CRYBG3: variants seen among roughly 807,000 people sequenced by gnomAD.
CRYBG3 encodes the protein very large A-kinase anchor protein.
CRYBG3 carries 127 observed loss-of-function variants against 244.2 expected under a neutral mutation model. That is an observed-to-expected ratio of 0.52 (90% CI 0.45 to 0.60). CRYBG3 has a LOEUF of 0.60. Ranked by LOEUF, CRYBG3 falls within the 20% of genes least tolerant of loss-of-function variation. CRYBG3 has a pLI of 0.00. For missense variants in CRYBG3, 3,325 were observed against 3,442.5 expected (o/e 0.97, Z 0.85); for synonymous variants, 1,132 against 1,195.8 (o/e 0.95, Z 1.10).
chr3:97,931,658 C>T (rs1184006377), intron 17 of CRYBG3, among the ~76,000 whole-genome samples: 1 of 152,010 alleles, frequency 6.6e-6, no homozygotes, highest in African/African-American at 2.4e-5. Context: ...GCATGCTTTC[C>T]TCCTGATTTC....
chr3:97,854,089 C>G (rs1201681664), intron 2 of CRYBG3, among the ~76,000 whole-genome samples: 2 of 152,062 alleles, frequency 1.3e-5, no homozygotes, highest in African/African-American at 2.4e-5. Flanking sequence ...GCTGTCCTTT[C>G]CCCCACTTTA....
At chr3:97,893,867 T>A (rs2039609523) in intron 11 of CRYBG3, among the ~76,000 whole-genome samples, 3 of 152,206 alleles carry the variant, frequency 2.0e-5, no homozygotes, top group Admixed American at 1.3e-4. Flanking sequence ...CAAGGGCCTA[T>A]ATTTAGAGAA....
At position 97,912,343 on chromosome 3, in the gene CRYBG3, A is replaced by G. The variant is rs575278598; in HGVS notation, c.8114+67A>G. 2.1e-5 allele frequency: 17 copies of G among 798,516 alleles called. No homozygotes were observed. The Admixed American group carries it at 3.4e-4, about 16-fold the overall frequency. The allele number at this position is 798,516 out of a possible 1,614,324, so 49.5% of individuals were successfully genotyped here. The stretch of plus-strand genomic sequence containing the variant: ...CTAATACTTTTAAATTTACAGAGAT[A>G]TATTTTTTGCATGCACAGTGAATCC... On this transcript the variant is annotated intron_variant, in intron 16 of 21. Coordinates refer to ENST00000389622, the MANE Select transcript of CRYBG3 (RefSeq NM_153605.4).
chr3:97,880,292 C>T (rs993387253), intron 6 of CRYBG3, among the ~76,000 whole-genome samples, 192 bp downstream of exon 6: 5 of 152,020 alleles, frequency 3.3e-5, no homozygotes, highest in Non-Finnish European at 7.4e-5. Context: ...GCATAAAATA[C>T]AATCTGTTTT....
chr3:97,830,437 A>T (rs2038639644), intron 1 of CRYBG3, among the ~76,000 whole-genome samples: 1 of 151,934 alleles, frequency 6.6e-6, no homozygotes, highest in Non-Finnish European at 1.5e-5. Flanking sequence ...CCTATGTAAG[A>T]CCACCTATTT....
rs1313820267 is a variant in CRYBG3, at chr3:97,936,883, T to C, written c.8480T>C (p.Ile2827Thr). The C allele has an allele frequency of 1.9e-6, 3 of 1,612,940 alleles. No homozygotes were observed. The highest frequency in any genetic ancestry group is 1.1e-5 in the South Asian group (1 of 91,016). ...ACAGCATTCAGCAGATGGAAAACAATTGGTTCCCTCCGTCCTATGAAGCAG... is the reference window on the plus strand; with the variant it reads ...ACAGCATTCAGCAGATGGAAAACAACTGGTTCCCTCCGTCCTATGAAGCAG... ...NWTAFSRWKT[I>T]GSLRPMKQPA... Residue 2827 changes from isoleucine to threonine, a missense_variant, in exon 19 of 22, where the codon ATT becomes ACT. Ile to Thr is a moderately conservative substitution (Grantham distance 89). Around this residue, in one of 4 missense-constraint regions of CRYBG3, gnomAD observed 714 missense variants for 803.6 expected, o/e 0.89. Coordinates refer to ENST00000389622, the MANE Select transcript of CRYBG3 (RefSeq NM_153605.4).
intron 1 of CRYBG3, among the ~76,000 whole-genome samples, chr3:97,838,431 T>G (rs762220096): frequency 3.3e-5 from 5 of 152,100 alleles, no homozygotes; most frequent in Non-Finnish European, 7.4e-5. Flanking sequence ...GCCACCTGCA[T>G]TAGAACAATC....
intron 15 of CRYBG3, among the ~76,000 whole-genome samples, chr3:97,910,102 C>T (rs1043996568): frequency 3.0e-4 from 46 of 151,782 alleles, no homozygotes; most frequent in African/African-American, 9.0e-4. Context: ...GCAGTCTGCC[C>T]GTTCTCAGAT....
intron 15 of CRYBG3, among the ~76,000 whole-genome samples, chr3:97,905,704 C>T (rs1291552832): frequency 7.2e-6 from 1 of 138,384 alleles, no homozygotes; most frequent in East Asian, 2.2e-4. Context: ...TGCCTGTTCA[C>T]TCTGATGGTA....
intron 17 of CRYBG3, among the ~76,000 whole-genome samples, chr3:97,916,175 GTTATTC>G (rs1212757302): frequency 1.3e-5 from 2 of 152,142 alleles, no homozygotes; most frequent in Non-Finnish European, 2.9e-5. Context: ...TACCATGGTT[GTTATTC>G]TTATAGCTGC....
intron 7 of CRYBG3, among the ~76,000 whole-genome samples, chr3:97,884,373 A>G (rs1296648584): frequency 2.0e-5 from 3 of 152,112 alleles, no homozygotes; most frequent in Non-Finnish European, 4.4e-5. Context: ...AAAAGATATG[A>G]CATCTTTCTT....
chr3:97,920,651 T>C (rs985178936), intron 17 of CRYBG3, among the ~76,000 whole-genome samples: 7 of 152,094 alleles, frequency 4.6e-5, no homozygotes, highest in African/African-American at 1.7e-4. Flanking sequence ...TGCCTCAGCC[T>C]CCCAAGTAGC....
chr3:97,927,325 C>A (rs2040050977), intron 17 of CRYBG3, among the ~76,000 whole-genome samples: 1 of 151,880 alleles, frequency 6.6e-6, no homozygotes, highest in Non-Finnish European at 1.5e-5. Context: ...GGAAAGGACT[C>A]CCTATTCAGT....
At chr3:97,861,953 A>C (rs2039156015) in intron 2 of CRYBG3, among the ~76,000 whole-genome samples, 1 of 152,164 alleles carries the variant, frequency 6.6e-6, no homozygotes, top group African/African-American at 2.4e-5. Context: ...TTAATTACGA[A>C]TACGCATTTC....
rs200261394 is a variant in CRYBG3 at position 97,937,526 on chromosome 3, CT to C, written c.8505+619del. Among the ~76,000 whole-genome samples, 979 of 152,164 alleles carry C rather than the reference CT, an allele frequency of 6.4e-3. 8 individuals are homozygous for C. The highest frequency in any genetic ancestry group is 0.017 in the Middle Eastern group (5 of 294). Reference sequence around the variant, plus strand: ...ATTTGACTAGTCATCCCTGTAAATTCTACTTAAGTGTCAGGTCCTCAAGAAT... The same window carrying C: ...ATTTGACTAGTCATCCCTGTAAATTCACTTAAGTGTCAGGTCCTCAAGAAT... On this transcript the variant is annotated intron_variant, in intron 19 of 21. Coordinates refer to ENST00000389622, the MANE Select transcript of CRYBG3 (RefSeq NM_153605.4).
At chr3:97,822,683 ACT>A (rs979027938) in intron 1 of CRYBG3, among the ~76,000 whole-genome samples, 27 of 151,878 alleles carry the variant, frequency 1.8e-4, no homozygotes, top group African/African-American at 6.3e-4. Context: ...CACACGCTCT[ACT>A]CTCCAAGTTC....
rs1477167673 is a variant in CRYBG3 at position 97,944,254 on chromosome 3, A to G, written c.*940A>G. The G allele has an allele frequency of 6.6e-6, 1 of 151,832 alleles. No individual in the cohort carries two copies. The highest frequency in any genetic ancestry group is 1.5e-5 in the Non-Finnish European group (1 of 67,862). The allele number at this position is 151,832 out of a possible 1,614,324, so 9.4% of individuals were successfully genotyped here. A position where few individuals can be genotyped will look rare whatever the true frequency, so the allele number is the denominator to read the frequency against. On this transcript the variant is annotated 3_prime_UTR_variant, in exon 22 of 22. Transcript: ENST00000389622. Reference sequence around the variant, plus strand: ...ACAGAAACCTCAGTTTTTCACTCCCATTGTAAGTAACTTTTATTTAAGTAA... The same window carrying G: ...ACAGAAACCTCAGTTTTTCACTCCCGTTGTAAGTAACTTTTATTTAAGTAA...
chr3:97,836,484 C>CT (rs1361278078), intron 1 of CRYBG3, among the ~76,000 whole-genome samples: 2 of 152,110 alleles, frequency 1.3e-5, no homozygotes, highest in South Asian at 2.1e-4. Context: ...GTGTGGAACT[C>CT]TGTCTTTTTC....
chr3:97,865,266 G>T (rs1217290476), intron 3 of CRYBG3, among the ~76,000 whole-genome samples: 1 of 152,024 alleles, frequency 6.6e-6, no homozygotes, highest in Non-Finnish European at 1.5e-5. Context: ...TCAATATTTT[G>T]TGTGACATAA....
Sources: allele counts gnomAD v4.1 joint callset (sites outside exome capture counted in the v4.1 genomes callset), GRCh38; gene constraint gnomAD v4.1.1; regional missense constraint gnomAD v4.1.1; transcripts MANE v1.5; gene names NCBI Gene and HGNC (gene_info 2026-07-23, HGNC 2026-07-21).